CLSTN2: variants seen among roughly 807,000 people sequenced by gnomAD.
CLSTN2 encodes calsyntenin 2.
In CLSTN2, 48 loss-of-function variants were observed where a neutral mutation model predicts 101.2. That is an observed-to-expected ratio of 0.47 (90% CI 0.38 to 0.60). CLSTN2 has a LOEUF of 0.60. Among genes scored for constraint, CLSTN2 ranks in the 20% least tolerant of loss-of-function variants. CLSTN2 has a pLI of 0.00. For synonymous variants in CLSTN2, 481 were observed against 463.6 expected, an observed-to-expected ratio of 1.04 and a Z score of -0.48; for missense variants, 1,160 against 1,238.2, an observed-to-expected ratio of 0.94 and a Z score of 0.95.
chr3:140,510,841 CT>C (rs1299466401), intron 8 of CLSTN2, among the ~76,000 whole-genome samples: 4 of 152,036 alleles, frequency 2.6e-5, no homozygotes, highest in Admixed American at 2.0e-4. Context: ...ACCAAAGTCT[CT>C]TTTTTTTCCT....
At position 140,566,114 on chromosome 3, in the gene CLSTN2, A is replaced by G; in HGVS notation, c.2729A>G (p.Glu910Gly). ...GAGGGAGAAGAGGAGGAAGAAGCCG[A>G]GGAAGAAATGAGCTCCAGCAGTGGC... ...ETEGEEEEEA[E>G]EEMSSSSGSD... Residue 910 changes from glutamate to glycine, a missense_variant, in exon 17 of 17, where the codon GAG (glutamate) becomes GGG (glycine). Transcript: ENST00000458420. 6.2e-7 allele frequency: 1 copy of G among 1,612,442 alleles called. No individual in the cohort carries two copies. Among genetic ancestry groups the G allele is most frequent in the Non-Finnish European group, 8.5e-7 (1 of 1,178,458 alleles).
rs140127744 is a variant in CLSTN2 at position 140,275,313 on chromosome 3, C to T, written c.232+99240C>T. On this transcript the variant is annotated intron_variant, in intron 2 of 16. Coordinates refer to ENST00000458420, the MANE Select transcript of CLSTN2 (RefSeq NM_022131.3). ...TAAGTGAGGAGGTCTCACTGTGGCA[C>T]CCAGGCTGGATTGCAGCAGCACACT... Among the ~76,000 whole-genome samples, 1,425 of 151,704 alleles carry T rather than the reference C, an allele frequency of 9.4e-3. 28 individuals carry two copies. The highest frequency in any genetic ancestry group is 0.033 in the African/African-American group (1,356 of 41,386).
chr3:140,443,726 C>A (rs1325224192), intron 5 of CLSTN2, among the ~76,000 whole-genome samples: 2 of 152,106 alleles, frequency 1.3e-5, no homozygotes, highest in East Asian at 3.8e-4. Flanking sequence ...ACTCCTGAAC[C>A]AATTGGTGGG....
intron 6 of CLSTN2, among the ~76,000 whole-genome samples, chr3:140,454,124 T>G (rs530551487): frequency 6.6e-6 from 1 of 152,218 alleles, no homozygotes; most frequent in Non-Finnish European, 1.5e-5. Context: ...CATACAACAG[T>G]GAAGGGCTGC....
At chr3:140,544,284 C>T (rs1456460566) in intron 9 of CLSTN2, among the ~76,000 whole-genome samples, 1 of 152,222 alleles carries the variant, frequency 6.6e-6, no homozygotes, top group African/African-American at 2.4e-5. Context: ...ATGAATAATG[C>T]ATGAGTGATA....
chr3:140,170,340 G>C (rs1279852414), intron 1 of CLSTN2, among the ~76,000 whole-genome samples: 1 of 152,128 alleles, frequency 6.6e-6, no homozygotes, highest in Non-Finnish European at 1.5e-5. Flanking sequence ...ATAGACAAAG[G>C]ATAGAAGGCA....
At chr3:139,951,509 T>A (rs1456459834) in intron 1 of CLSTN2, among the ~76,000 whole-genome samples, 1 of 152,168 alleles carries the variant, frequency 6.6e-6, no homozygotes, top group Non-Finnish European at 1.5e-5. Context: ...CTTTGCCAGT[T>A]AAGCATGGGG....
chr3:140,095,534 A>G (rs991374406), intron 1 of CLSTN2, among the ~76,000 whole-genome samples: 1 of 152,232 alleles, frequency 6.6e-6, no homozygotes, highest in African/African-American at 2.4e-5. Flanking sequence ...GCTATCTACA[A>G]TTACTCCACT....
At position 140,129,084 on chromosome 3, in the gene CLSTN2, G is replaced by A. The variant is rs76340979; in HGVS notation, c.110-46867G>A. Among the ~76,000 whole-genome samples, 810 of 152,226 alleles carry A rather than the reference G, an allele frequency of 5.3e-3. 9 individuals are homozygous for A. Among genetic ancestry groups the A allele is most frequent in the African/African-American group, 0.019 (788 of 41,540 alleles). Reference sequence around the variant, plus strand: ...GTAATCCTCAGCTCCTGGAAACTGAGTGGCCATCTCAGTTTCCCCTGATGT... The same window carrying A: ...GTAATCCTCAGCTCCTGGAAACTGAATGGCCATCTCAGTTTCCCCTGATGT... On this transcript the variant is annotated intron_variant, in intron 1 of 16. Coordinates refer to ENST00000458420, the MANE Select transcript of CLSTN2 (RefSeq NM_022131.3).
intron 4 of CLSTN2, among the ~76,000 whole-genome samples, chr3:140,408,709 T>C (rs2088331769): frequency 1.3e-5 from 2 of 152,180 alleles, no homozygotes; most frequent in African/African-American, 4.8e-5. Context: ...CTGCTGCCGT[T>C]GTAGACACCC....
intron 9 of CLSTN2, 132 bp from the exon 10 acceptor site, chr3:140,546,383 C>T (rs1161925010): frequency 1.1e-5 from 9 of 835,984 alleles, no homozygotes; most frequent in South Asian, 9.1e-5. Flanking sequence ...CTGTGTTCAT[C>T]ACTCAGAAGG....
chr3:140,329,248 G>T (rs2087359440), intron 2 of CLSTN2, among the ~76,000 whole-genome samples: 2 of 152,182 alleles, frequency 1.3e-5, no homozygotes, highest in African/African-American at 4.8e-5. Context: ...AGTTAGCTGG[G>T]CATGGTGGCA....
intron 1 of CLSTN2, among the ~76,000 whole-genome samples, chr3:140,091,362 A>G (rs1389040811): frequency 1.3e-5 from 2 of 152,110 alleles, no homozygotes; most frequent in East Asian, 3.9e-4. Context: ...GGCAGCCCTC[A>G]TCCTGGACAC....
chr3:140,388,370 C>G (rs147112008), intron 2 of CLSTN2, among the ~76,000 whole-genome samples: 1 of 152,332 alleles, frequency 6.6e-6, no homozygotes, highest in Non-Finnish European at 1.5e-5. Context: ...CACACAGCAA[C>G]TCTCTAGCAT....
At chr3:140,529,422 G>C (rs1935210852) in intron 8 of CLSTN2, among the ~76,000 whole-genome samples, 1 of 152,224 alleles carries the variant, frequency 6.6e-6, no homozygotes. Flanking sequence ...GGATACACCA[G>C]TGATTCATGA....
rs77505500 is a variant in CLSTN2, at chr3:140,039,396, C to T, written c.109+103913C>T. On this transcript the variant is annotated intron_variant, in intron 1 of 16. Transcript: ENST00000458420. ...TGCCAAATTTCTTTCCCCCCTTACT[C>T]CCATTGCTGTCCCACTGTTAGCTTT... Among the ~76,000 whole-genome samples, 1,290 of 152,278 alleles carry T rather than the reference C, an allele frequency of 8.5e-3. 27 individuals carry two copies. The highest frequency in any genetic ancestry group is 0.069 in the East Asian group (357 of 5,186).
At position 140,011,791 on chromosome 3, in the gene CLSTN2, G is replaced by A. The variant is rs555802050; in HGVS notation, c.109+76308G>A. Among the ~76,000 whole-genome samples, 17 of 152,138 alleles carry A rather than the reference G, an allele frequency of 1.1e-4. No homozygotes were observed. In the East Asian group the frequency reaches 3.1e-3, roughly 28 times the overall value. ...GTTCTGGCAGGATGGGTAAGTGTCT[G>A]GCAGGGGTCGGGGGGGATTGAATTG... On this transcript the variant is annotated intron_variant, in intron 1 of 16. Coordinates refer to ENST00000458420, the MANE Select transcript of CLSTN2 (RefSeq NM_022131.3).
chr3:140,000,417 G>T (rs1453940044), intron 1 of CLSTN2, among the ~76,000 whole-genome samples: 1 of 152,194 alleles, frequency 6.6e-6, no homozygotes, highest in Non-Finnish European at 1.5e-5. Flanking sequence ...GCCCATTAAA[G>T]ATTAGCTACA....
chr3:140,022,375 T>A (rs1011847842), intron 1 of CLSTN2, among the ~76,000 whole-genome samples: 1 of 152,192 alleles, frequency 6.6e-6, no homozygotes, highest in Non-Finnish European at 1.5e-5. Context: ...CTGGGACAAG[T>A]TCACATGCGA....
Sources: allele counts gnomAD v4.1 joint callset (sites outside exome capture counted in the v4.1 genomes callset), GRCh38; gene constraint gnomAD v4.1.1; transcripts MANE v1.5; gene names NCBI Gene and HGNC (gene_info 2026-07-23, HGNC 2026-07-21).